Variants in EP300 observed in about 807,000 individuals in gnomAD.
The protein encoded by EP300 is EP300 lysine acetyltransferase.
A neutral mutation model predicts 264.0 loss-of-function variants in EP300; 31 were observed. That is an observed-to-expected ratio of 0.12 (90% CI 0.09 to 0.16). The LOEUF is 0.16. Ranked by LOEUF, EP300 falls within the 10% of genes least tolerant of loss-of-function variation. The pLI is 1.00. For missense variants in EP300, 2,766 were observed against 3,052.9 expected, an observed-to-expected ratio of 0.91 and a Z score of 2.21; for synonymous variants, 1,340 against 1,045.4, an observed-to-expected ratio of 1.28 and a Z score of -5.44.
chr22:41,117,248 A>G lies in EP300; in HGVS notation c.156A>G (p.Glu52=), dbSNP rs1440053697. 1.4e-5 allele frequency: 23 copies of G among 1,614,204 alleles called. No individual in the cohort carries two copies. The highest frequency in any genetic ancestry group is 1.9e-5 in the Non-Finnish European group (22 of 1,180,036). The change falls in exon 2 of 31, where the codon GAA becomes GAG. Residue 52 remains glutamate, a synonymous_variant. Coordinates refer to ENST00000263253, the MANE Select transcript of EP300 (RefSeq NM_001429.4). ...DLPDELINST[E]LGLTNGGDIN... ...CAGATGAATTAATCAACTCTACAGA[A>G]TTGGGACTAACCAATGGTGGTGATA...
chr22:41,178,452 G>A lies in EP300; in HGVS notation c.6741G>A (p.Gln2247=). The change falls in exon 31 of 31, where the codon CAG becomes CAA. Residue 2247 remains glutamine, a synonymous_variant. Transcript: ENST00000263253. ...GNMGQIGQLP[Q]ALGAEAGASL... ...TGGGACAGATAGGCCAGCTTCCCCA[G>A]GCCTTGGGAGCAGAGGCAGGTGCCA... 6.2e-7 allele frequency: 1 copy of A among 1,614,096 alleles called. No individual in the cohort carries two copies. Among genetic ancestry groups the A allele is most frequent in the Non-Finnish European group, 8.5e-7 (1 of 1,180,020 alleles).
chr22:41,133,759 T>C (rs919296881), intron 6 of EP300, among the ~76,000 whole-genome samples: 4 of 152,234 alleles, frequency 2.6e-5, no homozygotes, highest in Admixed American at 1.3e-4. Flanking sequence ...TTTTTTTCTT[T>C]CTGTTTTTCT....
intron 3 of EP300, 106 bp from the exon 4 acceptor site, chr22:41,127,381 T>C (rs940936193): frequency 5.4e-6 from 8 of 1,481,632 alleles, no homozygotes; most frequent in Admixed American, 3.4e-5. Context: ...GTCTGGCTTA[T>C]AGTAGACTAA....
At chr22:41,116,712 T>C (rs546206885) in intron 1 of EP300, among the ~76,000 whole-genome samples, 59 of 152,290 alleles carry the variant, frequency 3.9e-4, no homozygotes, top group African/African-American at 1.3e-3. Flanking sequence ...ATCCCCTCAA[T>C]TTAAAAAATC....
intron 1 of EP300, among the ~76,000 whole-genome samples, chr22:41,098,028 T>C (rs2058711494): frequency 6.6e-6 from 1 of 151,910 alleles, no homozygotes; most frequent in East Asian, 1.9e-4. Flanking sequence ...TTTTAAGTTT[T>C]AGGATACATG....
intron 1 of EP300, among the ~76,000 whole-genome samples, chr22:41,110,219 C>G (rs1288115982): frequency 6.8e-6 from 1 of 147,824 alleles, no homozygotes; most frequent in African/African-American, 2.5e-5. Context: ...CCTCAACCTC[C>G]TGGGCTCAAG....
Position 41,169,483 on chromosome 22 carries a change from T to C in EP300, c.4173-20T>C. 2.0e-6 allele frequency: 3 copies of C among 1,523,880 alleles called. No individual in the cohort carries two copies. The highest frequency in any genetic ancestry group is 2.7e-6 in the Non-Finnish European group (3 of 1,101,890). 94.4% of individuals were successfully genotyped at this position (1,523,880 alleles called of 1,614,324 possible). A position where few individuals can be genotyped will look rare whatever the true frequency, so the allele number is the denominator to read the frequency against. On this transcript the variant is annotated intron_variant, in intron 25 of 30. Coordinates refer to ENST00000263253, the MANE Select transcript of EP300 (RefSeq NM_001429.4). Reference sequence around the variant, plus strand: ...GACCTGACTTTTTTTTTCCTCTTCATTTCTCTTCATTTTGTATAGGAGAGT... The same window carrying C: ...GACCTGACTTTTTTTTTCCTCTTCACTTCTCTTCATTTTGTATAGGAGAGT...
At chr22:41,108,986 G>C (rs1286446909) in intron 1 of EP300, among the ~76,000 whole-genome samples, 1 of 152,086 alleles carries the variant, frequency 6.6e-6, no homozygotes, top group South Asian at 2.1e-4. Flanking sequence ...AAAAATACTT[G>C]CTGGCCCAGC....
chr22:41,167,855 ACAGAGTCTCGCTGTCGCCCATAGTGG>A lies in EP300; in HGVS notation c.3875-592_3875-567del, dbSNP rs1165679603. Among the ~76,000 whole-genome samples the A allele has an allele frequency of 1.7e-4, 9 of 53,776 alleles. No homozygotes were observed. The East Asian group carries it at 3.0e-3, about 18-fold the overall frequency. The allele number at this position is 53,776 out of a possible 152,430, so 35.3% of individuals were successfully genotyped here. On this transcript the variant is annotated intron_variant, in intron 23 of 30. Transcript: ENST00000263253. ...TTTTTTTTTTTTTTTTTTTTTTGAG[ACAGAGTCTCGCTGTCGCCCATAGTGG>A]CGCAGTCTCAGCTCACTGCAGCCTC...
At chr22:41,167,380 A>G (rs1009691745) in intron 23 of EP300, among the ~76,000 whole-genome samples, 1 of 151,958 alleles carries the variant, frequency 6.6e-6, no homozygotes, top group Non-Finnish European at 1.5e-5. Context: ...CAAAAATTTT[A>G]TCATGTAAGT....
chr22:41,177,378 G>T lies in EP300; in HGVS notation c.5667G>T (p.Arg1889Ser). The change falls in exon 31 of 31, where the codon AGG becomes AGT. Residue 1889 changes from arginine (R) to serine (S), a missense_variant. Physicochemically the swap from Arg to Ser is moderately radical, Grantham distance 110 (BLOSUM62 -1). Coordinates refer to ENST00000263253, the MANE Select transcript of EP300 (RefSeq NM_001429.4). ...PPNSMPPYLP[R>S]TQAAGPVSQG... ...ATAGCATGCCACCCTACTTGCCCAG[G>T]ACTCAAGCTGCTGGCCCTGTGTCCC... The T allele has an allele frequency of 6.2e-7, 1 of 1,613,974 alleles. No homozygotes were observed. Among genetic ancestry groups the T allele is most frequent in the African/African-American group, 1.3e-5 (1 of 74,974 alleles).
chr22:41,112,861 G>A (rs1003733494), intron 1 of EP300, among the ~76,000 whole-genome samples: 34 of 152,102 alleles, frequency 2.2e-4, no homozygotes, highest in African/African-American at 8.2e-4. Flanking sequence ...TAGGATTACA[G>A]TGGTCTGGCT....
chr22:41,103,654 A>G (rs1303471908), intron 1 of EP300, among the ~76,000 whole-genome samples: 1 of 152,202 alleles, frequency 6.6e-6, no homozygotes, highest in African/African-American at 2.4e-5. Context: ...TGTGGCTAGA[A>G]TATACGCTGT....
Position 41,178,870 on chromosome 22 carries a change from G to A in EP300, c.7159G>A (p.Gly2387Ser), listed in dbSNP as rs778405676. The change falls in exon 31 of 31, where the codon GGT becomes AGT. Residue 2387 changes from glycine to serine, a missense_variant. By Grantham distance (56) the Gly-to-Ser change is moderately conservative. Transcript: ENST00000263253. ...ASNPGMANLH[G>S]ASATDLGLST... ...CAATCCAGGCATGGCAAACCTCCAT[G>A]GTGCAAGCGCCACGGACCTGGGACT... 1.9e-6 allele frequency: 3 copies of A among 1,614,128 alleles called. No individual in the cohort carries two copies. In the East Asian group the frequency reaches 6.7e-5, roughly 36 times the overall value.
At chr22:41,157,969 G>A (rs942941649) in intron 18 of EP300, among the ~76,000 whole-genome samples, 1 of 152,210 alleles carries the variant, frequency 6.6e-6, no homozygotes, top group Admixed American at 6.5e-5. Context: ...TCTGGAGTAG[G>A]GGCATTCTTA....
At chr22:41,163,454 A>C (rs2059118512) in intron 21 of EP300, among the ~76,000 whole-genome samples, 1 of 148,290 alleles carries the variant, frequency 6.7e-6, no homozygotes, top group African/African-American at 2.5e-5. Context: ...AAAAAAAAAA[A>C]ATTAGCCAGG....
intron 6 of EP300, among the ~76,000 whole-genome samples, chr22:41,132,784 A>G (rs1243984328): frequency 2.0e-5 from 3 of 152,090 alleles, no homozygotes; most frequent in Admixed American, 6.6e-5. Context: ...TGTTTGCCTC[A>G]CTTCCTGTTT....
intron 29 of EP300, among the ~76,000 whole-genome samples, chr22:41,175,557 C>T (rs982715034): frequency 1.2e-4 from 19 of 152,190 alleles, no homozygotes; most frequent in African/African-American, 2.4e-5. Context: ...TTTATCCATT[C>T]CATTCCCTTC....
intron 27 of EP300, among the ~76,000 whole-genome samples, chr22:41,170,961 C>CG (rs2059167294): frequency 7.5e-6 from 1 of 133,308 alleles, no homozygotes; most frequent in East Asian, 2.5e-4. Context: ...CCGTGCCCAG[C>CG]CTTTTTTTTT....
Sources: gnomAD v4.1 joint callset for allele counts (sites outside exome capture counted in the v4.1 genomes callset) on GRCh38, gnomAD v4.1.1 for gene constraint, MANE v1.5 for transcripts, NCBI Gene and HGNC (gene_info 2026-07-23, HGNC 2026-07-21) for gene names.